Variants in EMID1 observed in about 807,000 individuals in gnomAD.
The protein encoded by EMID1 is EMI domain containing 1, also known as EMI domain-containing protein 1.
In EMID1, 40 loss-of-function variants were observed where a neutral mutation model predicts 60.6. That is an observed-to-expected ratio of 0.66 (90% CI 0.51 to 0.86). The LOEUF (loss-of-function observed/expected upper bound fraction) is 0.86. Among genes scored for constraint, EMID1 ranks in the 40% least tolerant of loss-of-function variants. EMID1 has a pLI of 0.00. For missense variants in EMID1, 585 were observed against 597.1 expected (o/e 0.98, Z 0.21); for synonymous variants, 242 against 231.0 (o/e 1.05, Z -0.43).
At position 29,234,219 on chromosome 22, in the gene EMID1, C is replaced by T; in HGVS notation, c.1029+20C>T. The stretch of plus-strand genomic sequence containing the variant: ...GAGAGAGTGAGTACCCAGGTGGCCC[C>T]AGGTGGGGGAATTCTGGGGAGTCCT... On this transcript the variant is annotated intron_variant, in intron 11 of 14. Transcript: ENST00000334018. The T allele has an allele frequency of 6.2e-7, 1 of 1,608,392 alleles. No homozygotes were observed. The highest frequency in any genetic ancestry group is 8.5e-7 in the Non-Finnish European group (1 of 1,177,232).
At chr22:29,256,697 T>C (rs1434581111) in intron 14 of EMID1, among the ~76,000 whole-genome samples, 1 of 151,930 alleles carries the variant, frequency 6.6e-6, no homozygotes, top group African/African-American at 2.4e-5. Context: ...TGGAAGGATA[T>C]GGATGAGGAA....
chr22:29,234,200 G>C lies in EMID1; in HGVS notation c.1029+1G>C, dbSNP rs774016273. ...CCACCCAGGAGAGAAGGGCGAGAGA[G>C]TGAGTACCCAGGTGGCCCCAGGTGG... On this transcript the variant is annotated splice_donor_variant, in intron 11 of 14. Transcript: ENST00000334018. LOFTEE classifies it high-confidence loss of function. The C allele has an allele frequency of 6.2e-7, 1 of 1,606,690 alleles. No homozygotes were observed.
At position 29,243,468 on chromosome 22, in the gene EMID1, C is replaced by A. The variant is rs1203095390; in HGVS notation, c.1098C>A (p.Asp366Glu). 3.7e-6 allele frequency: 6 copies of A among 1,614,132 alleles called. No homozygotes were observed. In the South Asian group the frequency reaches 5.5e-5, roughly 15 times the overall value. ...AGGGGGAACCTGGCCCTAAGGGAGA[C>A]CCTGGTGAGAAGAGCCACTGGGTAA... ...GQRGEPGPKGDPGEKSHWGEG... is the reference protein window; with the variant it reads ...GQRGEPGPKGEPGEKSHWGEG... The change falls in exon 13 of 15, where the codon GAC becomes GAA. Residue 366 changes from aspartate to glutamate, a missense_variant. Coordinates refer to ENST00000334018, the MANE Select transcript of EMID1 (RefSeq NM_133455.4).
At chr22:29,231,993 G>A in intron 7 of EMID1, 5 of 590,146 alleles carry the variant, frequency 8.5e-6, no homozygotes, top group Admixed American at 3.1e-5. Flanking sequence ...AGGAGAAGCA[G>A]CAATGCTTGC....
At chr22:29,232,057 A>T in intron 7 of EMID1, 199 bp from the exon 8 acceptor site, 1 of 621,690 alleles carries the variant, frequency 1.6e-6, no homozygotes, top group Non-Finnish European at 2.8e-6. Context: ...AGCCCCAAGG[A>T]AGGAAGACTC....
intron 1 of EMID1, among the ~76,000 whole-genome samples, chr22:29,206,865 C>T (rs1030287133): frequency 2.6e-5 from 4 of 152,228 alleles, no homozygotes; most frequent in Admixed American, 2.6e-4. Flanking sequence ...AGGGAATTGG[C>T]ATCATCTTTT....
At chr22:29,209,018 C>T (rs778410226) in intron 1 of EMID1, among the ~76,000 whole-genome samples, 21 of 152,348 alleles carry the variant, frequency 1.4e-4, no homozygotes, top group Non-Finnish European at 2.8e-4. Flanking sequence ...ACTGGAACTT[C>T]GCCCCTACTG....
In EMID1 at chr22:29,233,640, G is replaced by A; in HGVS notation, c.940G>A (p.Gly314Ser). 6.2e-7 allele frequency: 1 copy of A among 1,614,000 alleles called. No homozygotes were observed. Among genetic ancestry groups the A allele is most frequent in the Non-Finnish European group, 8.5e-7 (1 of 1,179,872 alleles). The change falls in exon 10 of 15, where the codon GGT becomes AGT. Residue 314 changes from glycine (G) to serine (S), a missense_variant. Coordinates refer to ENST00000334018, the MANE Select transcript of EMID1 (RefSeq NM_133455.4). The part of the protein sequence containing the change: ...MGPPGPPGPT[G>S]VPGSPGHIGP... ...TCCCCCTGGGCCTCCTGGCCCCACAGGTGTCCCTGGGAGTCCTGGTCACAT... is the reference window on the plus strand; with the variant it reads ...TCCCCCTGGGCCTCCTGGCCCCACAAGTGTCCCTGGGAGTCCTGGTCACAT...
rs1200076471 is a variant in EMID1 at position 29,232,421 on chromosome 22, C to T, written c.823+19C>T. The T allele has an allele frequency of 1.9e-6, 3 of 1,541,684 alleles. No homozygotes were observed. The highest frequency in any genetic ancestry group is 2.1e-5 in the Admixed American group (1 of 47,420). On this transcript the variant is annotated intron_variant, in intron 8 of 14. Coordinates refer to ENST00000334018, the MANE Select transcript of EMID1 (RefSeq NM_133455.4). ...CAGCATGGTGAGTCCCCCTGGGATC[C>T]CAGCAGGTGGAGGTGGGGGTGGAGT...
In EMID1 at chr22:29,207,220, C is replaced by T. The variant is rs1368281660; in HGVS notation, c.101+1081C>T. Among the ~76,000 whole-genome samples, 3 of 152,222 alleles carry T rather than the reference C, an allele frequency of 2.0e-5. No individual in the cohort carries two copies. In the East Asian group the frequency reaches 5.8e-4, roughly 29 times the overall value. The stretch of plus-strand genomic sequence containing the variant: ...GGCTGGAGGACGGAGGTGGTTGAAG[C>T]ATCAGAGGCCAGAAGAGCAGTTGTC... On this transcript the variant is annotated intron_variant, in intron 1 of 14. Coordinates refer to ENST00000334018, the MANE Select transcript of EMID1 (RefSeq NM_133455.4).
intron 3 of EMID1, among the ~76,000 whole-genome samples, chr22:29,215,979 C>T (rs76555061): frequency 0.035 from 5,326 of 152,268 alleles, 154 homozygotes; most frequent in African/African-American, 0.069. Context: ...AGCAAAGAAC[C>T]ATTTTAGTCA....
intron 13 of EMID1, 164 bp from the exon 14 acceptor site, chr22:29,254,039 C>T: frequency 1.0e-6 from 1 of 985,456 alleles, no homozygotes; most frequent in Admixed American, 6.1e-5. Flanking sequence ...TGTCCCCCTC[C>T]TGTCCTCACC....
intron 3 of EMID1, among the ~76,000 whole-genome samples, chr22:29,224,187 G>A (rs78011494): frequency 0.057 from 8,717 of 152,244 alleles, 388 homozygotes; most frequent in South Asian, 0.22. Context: ...AGAGGGACCC[G>A]TCTGGTTTGA....
rs531782009 is a variant in EMID1 at position 29,208,172 on chromosome 22, C to T, written c.101+2033C>T. 3.3e-5 allele frequency among the ~76,000 whole-genome samples: 5 copies of T among 152,322 alleles called. No homozygotes were observed. In the East Asian group the frequency reaches 7.7e-4, roughly 24 times the overall value. On this transcript the variant is annotated intron_variant, in intron 1 of 14. Transcript: ENST00000334018. ...CACTTGTGGCCCCATCCCCACGTTG[C>T]TGGAGACAGCATGGGGGTGTCATGC...
Position 29,252,571 on chromosome 22 carries a change from C to T in EMID1, c.1120-1632C>T, listed in dbSNP as rs562911932. ...GAGGAAGGAGTGAGGGAGTGTGGAG[C>T]GTTGTCAAGACTATGGACCATATGC... On this transcript the variant is annotated intron_variant, in intron 13 of 14. Coordinates refer to ENST00000334018, the MANE Select transcript of EMID1 (RefSeq NM_133455.4). 2.9e-4 allele frequency among the ~76,000 whole-genome samples: 44 copies of T among 152,136 alleles called. No homozygotes were observed. The South Asian group carries it at 8.3e-3, about 29-fold the overall frequency.
chr22:29,255,209 CT>C (rs1256378918), intron 14 of EMID1: 1 of 233,920 alleles, frequency 4.3e-6, no homozygotes, highest in Non-Finnish European at 9.5e-6. Flanking sequence ...CCCCGCTTGG[CT>C]CCCCAGCCCA....
chr22:29,254,682 G>T, intron 14 of EMID1: 1 of 223,012 alleles, frequency 4.5e-6, no homozygotes, highest in Non-Finnish European at 9.1e-6. Context: ...GGAACCATGG[G>T]GAATCCAATC....
chr22:29,207,094 T>A (rs2039695753), intron 1 of EMID1, among the ~76,000 whole-genome samples: 1 of 152,192 alleles, frequency 6.6e-6, no homozygotes, highest in Admixed American at 6.5e-5. Flanking sequence ...CCCCACCCCC[T>A]ACGGCCTCAA....
At chr22:29,246,853 A>G (rs2041348037) in intron 13 of EMID1, among the ~76,000 whole-genome samples, 1 of 152,302 alleles carries the variant, frequency 6.6e-6, no homozygotes, top group East Asian at 1.9e-4. Context: ...AGAACTCACA[A>G]TGTGTCCCAG....
Sources: gnomAD v4.1 joint callset for allele counts (sites outside exome capture counted in the v4.1 genomes callset) on GRCh38, gnomAD v4.1.1 for gene constraint, MANE v1.5 for transcripts, NCBI Gene and HGNC (gene_info 2026-07-23, HGNC 2026-07-21) for gene names.